NRXN3: variants seen among roughly 807,000 people sequenced by gnomAD.
NRXN3 encodes neurexin 3.
NRXN3 carries 32 observed loss-of-function variants against 137.6 expected under a neutral mutation model. The ratio of observed to expected loss-of-function variants is 0.23; its 90% CI spans 0.18 to 0.31. NRXN3 has a LOEUF of 0.31. NRXN3 is among the 10% of genes least tolerant of loss of function. NRXN3 has a pLI of 1.00. For synonymous variants in NRXN3, 798 were observed against 784.5 expected (o/e 1.02, Z -0.29); for missense variants, 1,574 against 2,062.5 (o/e 0.76, Z 4.59).
intron 16 of NRXN3, among the ~76,000 whole-genome samples, chr14:79,511,457 G>A (rs2096931691): frequency 6.6e-6 from 1 of 152,176 alleles, no homozygotes; most frequent in African/African-American, 2.4e-5. Context: ...GCGTCTCTAA[G>A]CAATTCCCTT....
At chr14:79,759,051 G>A (rs1568142658) in intron 19 of NRXN3, among the ~76,000 whole-genome samples, 1 of 152,116 alleles carries the variant, frequency 6.6e-6, no homozygotes, top group East Asian at 1.9e-4. Context: ...ATTGCAGGGG[G>A]TGGGAGACAA....
intron 19 of NRXN3, among the ~76,000 whole-genome samples, chr14:79,772,959 T>G (rs1229357650): frequency 6.6e-6 from 1 of 151,944 alleles, no homozygotes; most frequent in African/African-American, 2.4e-5. Context: ...CATCAAAAAG[T>G]GGGCAAAGGA....
intron 4 of NRXN3, among the ~76,000 whole-genome samples, chr14:78,559,412 T>C (rs11624601): frequency 0.59 from 89,253 of 152,114 alleles, 27,179 homozygotes; most frequent in Non-Finnish European, 0.67. Context: ...ACCACATCTT[T>C]GCATCTGTTC....
chr14:79,486,960 T>TCTCC lies in NRXN3; in HGVS notation c.3444+19559_3444+19560insTCCC, dbSNP rs1365006345. Among the ~76,000 whole-genome samples the TCTCC allele has an allele frequency of 3.8e-4, 43 of 112,102 alleles. 1 individual carries two copies. The highest frequency in any genetic ancestry group is 1.2e-3 in the African/African-American group (34 of 28,566). 73.5% of individuals were successfully genotyped at this position (112,102 alleles called of 152,430 possible). ...CTCTCTCTCTCTCTCTCTCTCTCTC[T>TCTCC]CCCACACACACACACCCCAAGATAA... On this transcript the variant is annotated intron_variant, in intron 16 of 20. Transcript: ENST00000335750.
intron 10 of NRXN3, among the ~76,000 whole-genome samples, chr14:78,920,174 A>G (rs767294606): frequency 1.1e-4 from 16 of 152,122 alleles, no homozygotes; most frequent in Middle Eastern, 3.4e-3. Context: ...CCACTCAGAG[A>G]CTCACGCTGA....
At chr14:78,303,298 A>G (rs572527849) in intron 4 of NRXN3, among the ~76,000 whole-genome samples, 1 of 151,748 alleles carries the variant, frequency 6.6e-6, no homozygotes, top group African/African-American at 2.4e-5. Flanking sequence ...TCCTCCATGT[A>G]CCTCTCTAAC....
At chr14:79,093,638 G>A (rs2049648961) in intron 15 of NRXN3, among the ~76,000 whole-genome samples, 1 of 152,196 alleles carries the variant, frequency 6.6e-6, no homozygotes, top group African/African-American at 2.4e-5. Flanking sequence ...CACCGGTTAA[G>A]TGTGGCAACT....
At chr14:79,318,641 A>G (rs964989307) in intron 15 of NRXN3, among the ~76,000 whole-genome samples, 1 of 152,120 alleles carries the variant, frequency 6.6e-6, no homozygotes, top group African/African-American at 2.4e-5. Context: ...ATTTATTGGG[A>G]GTGTTCCTTT....
chr14:78,942,707 G>C (rs2099355467), intron 10 of NRXN3, among the ~76,000 whole-genome samples: 1 of 152,100 alleles, frequency 6.6e-6, no homozygotes, highest in Non-Finnish European at 1.5e-5. Flanking sequence ...TAGTGTTCCA[G>C]AGAGCTGCAG....
At chr14:78,657,001 C>T (rs534354107) in intron 6 of NRXN3, among the ~76,000 whole-genome samples, 5 of 137,046 alleles carry the variant, frequency 3.6e-5, no homozygotes, top group South Asian at 4.7e-4. Flanking sequence ...GAGCCGAGAT[C>T]GCACCACTGC....
intron 10 of NRXN3, among the ~76,000 whole-genome samples, chr14:78,866,305 A>T (rs1018309919): frequency 2.6e-5 from 4 of 152,212 alleles, no homozygotes; most frequent in African/African-American, 7.2e-5. Flanking sequence ...TGTGTTGATT[A>T]TACTAAATTA....
At chr14:79,678,847 A>T (rs1247419138) in intron 17 of NRXN3, among the ~76,000 whole-genome samples, 1 of 152,184 alleles carries the variant, frequency 6.6e-6, no homozygotes, top group Non-Finnish European at 1.5e-5. Flanking sequence ...TATTGCAAAG[A>T]TAAAAGCAGG....
chr14:78,887,872 G>A (rs980011906), intron 10 of NRXN3, among the ~76,000 whole-genome samples: 2 of 152,022 alleles, frequency 1.3e-5, no homozygotes, highest in African/African-American at 4.8e-5. Flanking sequence ...CATCTCACTG[G>A]GGTGGCCAGG....
At chr14:79,127,509 G>A (rs1662891488) in intron 15 of NRXN3, among the ~76,000 whole-genome samples, 1 of 152,040 alleles carries the variant, frequency 6.6e-6, no homozygotes, top group African/African-American at 2.4e-5. Flanking sequence ...TATTTCTGAG[G>A]GCTCTGTTCT....
chr14:79,184,663 T>G (rs1219799828), intron 15 of NRXN3, among the ~76,000 whole-genome samples: 1 of 152,074 alleles, frequency 6.6e-6, no homozygotes, highest in African/African-American at 2.4e-5. Flanking sequence ...CTGAGGCGAG[T>G]CAGGGGTAAA....
intron 4 of NRXN3, among the ~76,000 whole-genome samples, chr14:78,470,478 A>T (rs1418122006): frequency 6.6e-6 from 1 of 152,102 alleles, no homozygotes; most frequent in African/African-American, 2.4e-5. Context: ...CCTCGTCAGT[A>T]ATCAAGAGAT....
chr14:78,952,062 C>G (rs2099388148), intron 10 of NRXN3, among the ~76,000 whole-genome samples: 1 of 152,092 alleles, frequency 6.6e-6, no homozygotes, highest in Admixed American at 6.5e-5. Flanking sequence ...TTTCTCACAC[C>G]TCCCTGGGAG....
At chr14:79,112,340 G>A (rs1024379026) in intron 15 of NRXN3, among the ~76,000 whole-genome samples, 5 of 152,142 alleles carry the variant, frequency 3.3e-5, no homozygotes, top group African/African-American at 9.7e-5. Flanking sequence ...GTGGACTGCT[G>A]AGAGAAGGGA....
At chr14:78,194,647 C>T (rs17107112) in intron 1 of NRXN3, among the ~76,000 whole-genome samples, 45,522 of 151,832 alleles carry the variant, frequency 0.3, 6,892 homozygotes, top group Middle Eastern at 0.36. Context: ...ACCTATGCTG[C>T]GGGTGGGTTA....
Sources: gnomAD v4.1 joint callset for allele counts (sites outside exome capture counted in the v4.1 genomes callset) on GRCh38, gnomAD v4.1.1 for gene constraint, MANE v1.5 for transcripts, NCBI Gene and HGNC (gene_info 2026-07-23, HGNC 2026-07-21) for gene names.